Variants in EML4 observed in about 807,000 individuals in gnomAD.
EML4 encodes the protein echinoderm microtubule-associated protein-like 4.
Under a neutral mutation model 129.0 loss-of-function variants are expected in EML4, and 72 were observed. That is an observed-to-expected ratio of 0.56 (90% CI 0.46 to 0.68). EML4 has a LOEUF of 0.68. Ranked by LOEUF, EML4 falls within the 30% of genes least tolerant of loss-of-function variation. The probability of loss-of-function intolerance (pLI) is 0.00; values close to 1 mark genes in which losing one functional copy is unlikely to be tolerated. For synonymous variants in EML4, 532 were observed against 405.0 expected (o/e 1.31, Z -3.77); for missense variants, 1,363 against 1,190.6 (o/e 1.14, Z -2.13).
At chr2:42,248,483 A>C (rs913186323) in intron 2 of EML4, among the ~76,000 whole-genome samples, 3 of 152,174 alleles carry the variant, frequency 2.0e-5, no homozygotes, top group Non-Finnish European at 4.4e-5. Context: ...TATAATTACT[A>C]TTCCCCAGGA....
chr2:42,275,384 T>A (rs1332031901), intron 6 of EML4, among the ~76,000 whole-genome samples: 1 of 152,202 alleles, frequency 6.6e-6, no homozygotes, highest in Non-Finnish European at 1.5e-5. Context: ...AGATCATAGT[T>A]TTAGAGTGGA....
chr2:42,287,484 G>A (rs907458437), intron 10 of EML4, among the ~76,000 whole-genome samples: 3 of 152,102 alleles, frequency 2.0e-5, no homozygotes, highest in Non-Finnish European at 2.9e-5. Context: ...GAGATAAAGA[G>A]GAGAAGAGAG....
At chr2:42,173,519 C>T (rs1035870198) in intron 1 of EML4, among the ~76,000 whole-genome samples, 10 of 152,124 alleles carry the variant, frequency 6.6e-5, no homozygotes, top group African/African-American at 2.4e-4. Context: ...AAAAGACATG[C>T]TTTTTGCCCT....
intron 1 of EML4, among the ~76,000 whole-genome samples, chr2:42,173,478 A>G (rs1008072964): frequency 5.9e-5 from 9 of 152,310 alleles, no homozygotes; most frequent in Admixed American, 2.0e-4. Context: ...GGCTAGCACT[A>G]TGCTTGGTGG....
At chr2:42,258,994 C>A (rs780825237) in intron 3 of EML4, among the ~76,000 whole-genome samples, 18 of 152,264 alleles carry the variant, frequency 1.2e-4, no homozygotes, top group Non-Finnish European at 2.4e-4. Context: ...CGCCTGTAAT[C>A]CCAGCACTTT....
At chr2:42,281,107 C>T in intron 7 of EML4, 134 bp downstream of exon 7, 1 of 765,584 alleles carries the variant, frequency 1.3e-6, no homozygotes. Context: ...AAAAAGGAAA[C>T]ATCAGGCCAG....
Position 42,331,901 on chromosome 2 carries a change from G to GTATC in EML4, c.*1696_*1699dup. On this transcript the variant is annotated 3_prime_UTR_variant, in exon 23 of 23. Coordinates refer to ENST00000318522, the MANE Select transcript of EML4 (RefSeq NM_019063.5). Reference sequence around the variant, plus strand: ...TCAGTGTAGATCTCTATGTGTATAGGTATCTGTATATCTTTCCTTTTGTTT... The same window carrying GTATC: ...TCAGTGTAGATCTCTATGTGTATAGGTATCTATCTGTATATCTTTCCTTTTGTTT... 2 of 158,186 alleles carry GTATC rather than the reference G, an allele frequency of 1.3e-5. No individual in the cohort carries two copies. Among genetic ancestry groups the GTATC allele is most frequent in the Non-Finnish European group, 2.4e-5 (2 of 81,780 alleles). 9.8% of individuals were successfully genotyped at this position (158,186 alleles called of 1,614,324 possible). A position where few individuals can be genotyped will look rare whatever the true frequency, so the allele number is the denominator to read the frequency against.
rs981753563 is a variant in EML4, at chr2:42,314,295, G to T, written c.1968-1667G>T. Among the ~76,000 whole-genome samples, 3 of 152,214 alleles carry T rather than the reference G, an allele frequency of 2.0e-5. No homozygotes were observed. The East Asian group carries it at 5.8e-4, about 29-fold the overall frequency. On this transcript the variant is annotated intron_variant, in intron 17 of 22. Coordinates refer to ENST00000318522, the MANE Select transcript of EML4 (RefSeq NM_019063.5). ...AATCGCTTGAACCCAGGAGGCGGAG[G>T]TTGCAGTGAGTCAAGATCGTGCCAC...
chr2:42,298,586 A>G lies in EML4; in HGVS notation c.1490-2655A>G, dbSNP rs549864283. Among the ~76,000 whole-genome samples the G allele has an allele frequency of 2.0e-5, 3 of 152,310 alleles. No individual in the cohort carries two copies. The South Asian group carries it at 6.2e-4, about 32-fold the overall frequency. ...TTAGAAACACTAAATTTTTTAAGCT[A>G]AGTCGATACTAGGTCCACCTCAGGA... On this transcript the variant is annotated intron_variant, in intron 13 of 22. Coordinates refer to ENST00000318522, the MANE Select transcript of EML4 (RefSeq NM_019063.5).
intron 11 of EML4, among the ~76,000 whole-genome samples, chr2:42,292,819 A>C (rs1667726840): frequency 6.6e-6 from 1 of 152,244 alleles, no homozygotes; most frequent in Admixed American, 6.5e-5. Flanking sequence ...ACTCATACGC[A>C]AAGTGATTTA....
At chr2:42,217,723 A>T (rs1196335035) in intron 1 of EML4, among the ~76,000 whole-genome samples, 4 of 152,210 alleles carry the variant, frequency 2.6e-5, no homozygotes, top group Non-Finnish European at 5.9e-5. Flanking sequence ...TTTGAACTAC[A>T]TTGCTTGATT....
intron 14 of EML4, among the ~76,000 whole-genome samples, chr2:42,301,780 A>G (rs2103715739): frequency 6.6e-6 from 1 of 152,158 alleles, no homozygotes; most frequent in South Asian, 2.1e-4. Flanking sequence ...TCCTGATAGT[A>G]CTGCTCTTGG....
intron 6 of EML4, among the ~76,000 whole-genome samples, chr2:42,280,142 A>G (rs1051505122): frequency 6.6e-6 from 1 of 152,172 alleles, no homozygotes; most frequent in Non-Finnish European, 1.5e-5. Context: ...CGTGGTAGAC[A>G]TGGTTGTTGT....
At chr2:42,271,261 G>C (rs936235916) in intron 6 of EML4, among the ~76,000 whole-genome samples, 1 of 152,080 alleles carries the variant, frequency 6.6e-6, no homozygotes, top group African/African-American at 2.4e-5. Context: ...CCTACATCTG[G>C]GCTTTGTCCA....
At chr2:42,307,201 T>TG in intron 17 of EML4, among the ~76,000 whole-genome samples, 1 of 152,222 alleles carries the variant, frequency 6.6e-6, no homozygotes, top group African/African-American at 2.4e-5. Flanking sequence ...AAAATTGTTC[T>TG]GAAAAACTCA....
At chr2:42,247,495 CTG>C (rs1401285933) in intron 2 of EML4, among the ~76,000 whole-genome samples, 1 of 151,844 alleles carries the variant, frequency 6.6e-6, no homozygotes, top group Non-Finnish European at 1.5e-5. Flanking sequence ...TACTCTGGGT[CTG>C]TGTATTTACA....
chr2:42,281,132 G>C (rs576136673), intron 7 of EML4, among the ~76,000 whole-genome samples, 159 bp downstream of exon 7: 2 of 151,972 alleles, frequency 1.3e-5, no homozygotes, highest in East Asian at 1.9e-4. Context: ...GGTGGTTCAC[G>C]CTGGTAATCC....
chr2:42,311,805 A>G (rs573106631), intron 17 of EML4, among the ~76,000 whole-genome samples: 45 of 152,326 alleles, frequency 3.0e-4, no homozygotes, highest in Non-Finnish European at 1.2e-4. Context: ...AACATAACCT[A>G]TGGGTACTGT....
At chr2:42,202,250 G>C (rs1189273838) in intron 1 of EML4, among the ~76,000 whole-genome samples, 1 of 152,102 alleles carries the variant, frequency 6.6e-6, no homozygotes, top group African/African-American at 2.4e-5. Context: ...TTAGTAATAA[G>C]GTATTGTAGG....
Sources: gnomAD v4.1 joint callset for allele counts (sites outside exome capture counted in the v4.1 genomes callset) on GRCh38, gnomAD v4.1.1 for gene constraint, MANE v1.5 for transcripts, NCBI Gene and HGNC (gene_info 2026-07-23, HGNC 2026-07-21) for gene names.